Variants in CPEB3 observed in about 807,000 individuals in gnomAD.
The protein encoded by CPEB3 is cytoplasmic polyadenylation element binding protein 3.
A neutral mutation model predicts 67.2 loss-of-function variants in CPEB3; 20 were observed. The observed-to-expected ratio is 0.30, with a 90% CI of 0.21 to 0.43. CPEB3 has a LOEUF of 0.43. CPEB3 is among the 20% of genes least tolerant of loss of function. The pLI is 1.00. For missense variants in CPEB3, 746 were observed against 968.6 expected (o/e 0.77, Z 3.05); for synonymous variants, 376 against 393.1 (o/e 0.96, Z 0.51).
At chr10:92,106,754 G>T (rs1472164941) in intron 7 of CPEB3, among the ~76,000 whole-genome samples, 1 of 142,840 alleles carries the variant, frequency 7.0e-6, no homozygotes, top group Non-Finnish European at 1.5e-5. Context: ...GGCAGAGGTT[G>T]CAGTGTGCTG....
chr10:92,190,701 A>AAGG (rs1848935423), intron 3 of CPEB3, among the ~76,000 whole-genome samples: 9 of 142,796 alleles, frequency 6.3e-5, no homozygotes, highest in East Asian at 4.1e-4. Flanking sequence ...AAAAAAAAAA[A>AAGG]AGGAGGAGGA....
intron 2 of CPEB3, among the ~76,000 whole-genome samples, chr10:92,205,470 C>CTTTTTTTT (rs34029695): frequency 1.1e-4 from 10 of 91,014 alleles, no homozygotes; most frequent in East Asian, 3.2e-4. Flanking sequence ...AAATTCAGTC[C>CTTTTTTTT]TTTTTTTTTT....
chr10:92,209,542 C>A (rs1319158796), intron 2 of CPEB3, among the ~76,000 whole-genome samples: 1 of 151,682 alleles, frequency 6.6e-6, no homozygotes, highest in Non-Finnish European at 1.5e-5. Context: ...AACAAAAAAA[C>A]AAACAAAAAA....
chr10:92,159,013 G>A (rs1250747696), intron 4 of CPEB3, among the ~76,000 whole-genome samples: 2 of 152,202 alleles, frequency 1.3e-5, no homozygotes, highest in Non-Finnish European at 2.9e-5. Flanking sequence ...TGTAATCCCA[G>A]CACTTTGGGA....
chr10:92,247,712 C>G (rs891792679), intron 1 of CPEB3, among the ~76,000 whole-genome samples: 3 of 152,146 alleles, frequency 2.0e-5, no homozygotes, highest in Non-Finnish European at 4.4e-5. Flanking sequence ...GGGGTTTCAC[C>G]TTGTTCACCA....
At chr10:92,205,470 CTT>C (rs34029695) in intron 2 of CPEB3, among the ~76,000 whole-genome samples, 1,220 of 90,924 alleles carry the variant, frequency 0.013, 2 homozygotes, top group African/African-American at 0.053. Flanking sequence ...AAATTCAGTC[CTT>C]TTTTTTTTTT....
chr10:92,238,803 G>A (rs536388364), intron 2 of CPEB3, among the ~76,000 whole-genome samples: 1 of 152,280 alleles, frequency 6.6e-6, no homozygotes, highest in Admixed American at 6.5e-5. Flanking sequence ...ACCTTAGCGA[G>A]ACATAAACAC....
At chr10:92,260,630 A>G (rs546924843) in intron 1 of CPEB3, among the ~76,000 whole-genome samples, 1 of 151,858 alleles carries the variant, frequency 6.6e-6, no homozygotes, top group African/African-American at 2.4e-5. Flanking sequence ...TTTGAGGCTG[A>G]GTCCTGCTCT....
intron 1 of CPEB3, among the ~76,000 whole-genome samples, chr10:92,260,954 AG>A (rs1431977906): frequency 2.6e-5 from 4 of 152,148 alleles, no homozygotes; most frequent in African/African-American, 9.7e-5. Flanking sequence ...TACTAATTTT[AG>A]TCTTCAGAGA....
chr10:92,118,618 G>T (rs999032149), intron 6 of CPEB3: 10 of 488,868 alleles, frequency 2.0e-5, no homozygotes, highest in Non-Finnish European at 3.8e-5. Context: ...AATTAAAGGA[G>T]ATTAAAGAGA....
chr10:92,246,314 A>C (rs1339324689), intron 1 of CPEB3, among the ~76,000 whole-genome samples: 3 of 151,074 alleles, frequency 2.0e-5, no homozygotes, highest in Non-Finnish European at 3.0e-5. Context: ...AGCCTGGGAG[A>C]CAGAGCGAGA....
intron 2 of CPEB3, among the ~76,000 whole-genome samples, chr10:92,219,045 A>T (rs1833619742): frequency 6.6e-6 from 1 of 152,200 alleles, no homozygotes; most frequent in African/African-American, 2.4e-5. Context: ...ACTTTCTTTG[A>T]TGGTTTAGAA....
intron 4 of CPEB3, among the ~76,000 whole-genome samples, chr10:92,168,837 C>T (rs577066034): frequency 1.4e-5 from 2 of 146,756 alleles, no homozygotes; most frequent in Non-Finnish European, 3.0e-5. Flanking sequence ...CTCTTGTTGC[C>T]CAGGCTGGAG....
chr10:92,077,631 C>T (rs924347442), intron 9 of CPEB3, among the ~76,000 whole-genome samples: 2 of 152,016 alleles, frequency 1.3e-5, no homozygotes, highest in African/African-American at 4.8e-5. Context: ...TGGTGGTATG[C>T]ACCTGTGATC....
chr10:92,141,441 T>C (rs975926754), intron 6 of CPEB3, among the ~76,000 whole-genome samples: 2 of 124,878 alleles, frequency 1.6e-5, no homozygotes, highest in Admixed American at 9.8e-5. Flanking sequence ...TGAGAACACA[T>C]GGACACAGGA....
At chr10:92,262,804 T>C (rs1032441096) in intron 1 of CPEB3, among the ~76,000 whole-genome samples, 16 of 152,260 alleles carry the variant, frequency 1.1e-4, no homozygotes, top group Middle Eastern at 3.2e-3. Flanking sequence ...ATTAGAATCA[T>C]AAAAGTGTGC....
rs556968769 is a variant in CPEB3 at position 92,115,963 on chromosome 10, C to T, written c.1454-4769G>A. ...ACCTGTGATAACAGAGCCATTTTCT[C>T]GTCACGATTTGCTTTTCTTCCACAA... On this transcript the variant is annotated intron_variant, in intron 6 of 9. Coordinates refer to ENST00000265997, the MANE Select transcript of CPEB3 (RefSeq NM_014912.5). 7.9e-3 allele frequency among the ~76,000 whole-genome samples: 1,195 copies of T among 152,046 alleles called. 10 individuals are homozygous for T. Among genetic ancestry groups the T allele is most frequent in the African/African-American group, 0.028 (1,144 of 41,408 alleles).
At chr10:92,147,079 A>G (rs760417159) in intron 4 of CPEB3, among the ~76,000 whole-genome samples, 5 of 152,210 alleles carry the variant, frequency 3.3e-5, no homozygotes, top group Non-Finnish European at 5.9e-5. Context: ...GGGAAGGGGA[A>G]ATGAAATAAT....
chr10:92,209,603 C>G (rs903596199), intron 2 of CPEB3, among the ~76,000 whole-genome samples: 1 of 152,078 alleles, frequency 6.6e-6, no homozygotes, highest in African/African-American at 2.4e-5. Flanking sequence ...GTATGATTAT[C>G]TTCCTTCAAT....
Sources: allele counts gnomAD v4.1 joint callset (sites outside exome capture counted in the v4.1 genomes callset), GRCh38; gene constraint gnomAD v4.1.1; transcripts MANE v1.5; gene names NCBI Gene and HGNC (gene_info 2026-07-23, HGNC 2026-07-21).